Variants in RPS6KC1 observed in about 807,000 individuals in gnomAD.
The protein encoded by RPS6KC1 is inactive ribosomal protein S6 kinase delta-1.
Under a neutral mutation model 103.8 loss-of-function variants are expected in RPS6KC1, and 54 were observed. The ratio of observed to expected loss-of-function variants is 0.52; its 90% confidence interval spans 0.42 to 0.65. The LOEUF (loss-of-function observed/expected upper bound fraction) is 0.65. RPS6KC1 is among the 30% of genes least tolerant of loss of function. RPS6KC1 has a pLI of 0.00. For missense variants in RPS6KC1, 1,151 were observed against 1,253.8 expected (o/e 0.92, Z 1.24); for synonymous variants, 439 against 438.7 (o/e 1.00, Z -0.01).
chr1:213,848,207 A>G, the RPS6KC1 span, among the ~76,000 whole-genome samples: 1 of 152,160 alleles, frequency 6.6e-6, no homozygotes, highest in Non-Finnish European at 1.5e-5. Flanking sequence ...GGTTTTGAGA[A>G]ACATATATAT....
chr1:213,723,159 A>G, the RPS6KC1 span, among the ~76,000 whole-genome samples: 1,215 of 152,294 alleles, frequency 8.0e-3, 17 homozygotes, highest in African/African-American at 0.028. Context: ...CAGCCTGGGC[A>G]ACAAGAGTGG....
the RPS6KC1 span, among the ~76,000 whole-genome samples, chr1:213,690,971 A>G: frequency 1.5e-3 from 221 of 152,060 alleles, no homozygotes; most frequent in Non-Finnish European, 2.5e-3. Flanking sequence ...TTTTCCCTCC[A>G]TCTCTTGGAG....
the RPS6KC1 span, among the ~76,000 whole-genome samples, chr1:213,357,011 C>G: frequency 6.6e-6 from 1 of 152,202 alleles, no homozygotes; most frequent in African/African-American, 2.4e-5. Flanking sequence ...GGCACCAGCA[C>G]AGGGAGGGGC....
the RPS6KC1 span, among the ~76,000 whole-genome samples, chr1:213,343,954 G>C: frequency 6.6e-6 from 1 of 152,012 alleles, no homozygotes; most frequent in African/African-American, 2.4e-5. Context: ...GAATAATTTT[G>C]ACCCAAGGTT....
the RPS6KC1 span, among the ~76,000 whole-genome samples, chr1:213,393,907 G>A: frequency 1.1e-4 from 17 of 152,190 alleles, no homozygotes; most frequent in Admixed American, 3.3e-4. Context: ...ATGGGGAGGA[G>A]TAAGGAGAGA....
At chr1:213,622,233 G>A in the RPS6KC1 span, among the ~76,000 whole-genome samples, 1 of 37,786 alleles carries the variant, frequency 2.6e-5, no homozygotes, top group South Asian at 1.5e-3. Context: ...GACAAGTAAT[G>A]TCTTTTTTTT....
chr1:213,578,642 C>A, the RPS6KC1 span, among the ~76,000 whole-genome samples: 9 of 150,704 alleles, frequency 6.0e-5, no homozygotes, highest in East Asian at 1.7e-3. Context: ...AATGACTGCC[C>A]CACTGGATTT....
At chr1:213,742,022 G>A in the RPS6KC1 span, among the ~76,000 whole-genome samples, 1 of 152,178 alleles carries the variant, frequency 6.6e-6, no homozygotes, top group African/African-American at 2.4e-5. Context: ...GGAGGAACCA[G>A]TGCAAATTGG....
chr1:213,414,560 CACGGGGCATA>C, the RPS6KC1 span, among the ~76,000 whole-genome samples: 1 of 152,134 alleles, frequency 6.6e-6, no homozygotes, highest in African/African-American at 2.4e-5. Flanking sequence ...AGGAGAGAGG[CACGGGGCATA>C]TTGTCCCACA....
At chr1:213,714,435 C>A in the RPS6KC1 span, among the ~76,000 whole-genome samples, 2 of 152,182 alleles carry the variant, frequency 1.3e-5, no homozygotes, top group African/African-American at 4.8e-5. Context: ...TTCTCAATGT[C>A]TATTTATCCT....
chr1:213,585,289 T>C, the RPS6KC1 span, among the ~76,000 whole-genome samples: 4 of 152,164 alleles, frequency 2.6e-5, no homozygotes, highest in Non-Finnish European at 5.9e-5. Context: ...TGAATCCTCA[T>C]CACACAGACT....
intron 5 of RPS6KC1, among the ~76,000 whole-genome samples, chr1:213,128,130 C>T (rs926139762): frequency 1.3e-5 from 2 of 152,146 alleles, no homozygotes; most frequent in African/African-American, 4.8e-5. Flanking sequence ...TGTGACATTT[C>T]CTTCATATCT....
chr1:213,579,113 G>C, the RPS6KC1 span, among the ~76,000 whole-genome samples: 1 of 151,962 alleles, frequency 6.6e-6, no homozygotes, highest in Non-Finnish European at 1.5e-5. Context: ...ATGATCTGAT[G>C]GTTTTATAAA....
At chr1:213,056,354 A>G (rs1448742604) in intron 1 of RPS6KC1, among the ~76,000 whole-genome samples, 1 of 152,182 alleles carries the variant, frequency 6.6e-6, no homozygotes, top group East Asian at 1.9e-4. Context: ...GAACCCAGGT[A>G]GACTGGTCCC....
chr1:213,628,966 G>T, the RPS6KC1 span, among the ~76,000 whole-genome samples: 1 of 152,150 alleles, frequency 6.6e-6, no homozygotes, highest in African/African-American at 2.4e-5. Context: ...TGTGATTTCT[G>T]TTCCTTTACA....
At chr1:213,525,816 G>A in the RPS6KC1 span, among the ~76,000 whole-genome samples, 1 of 152,210 alleles carries the variant, frequency 6.6e-6, no homozygotes, top group African/African-American at 2.4e-5. Context: ...ATGCATGGGG[G>A]CATTGGTTTC....
At chr1:213,405,525 G>A in the RPS6KC1 span, among the ~76,000 whole-genome samples, 1 of 152,178 alleles carries the variant, frequency 6.6e-6, no homozygotes, top group African/African-American at 2.4e-5. Flanking sequence ...GGTGTGGTGG[G>A]AGCTTCCATA....
At chr1:213,769,220 G>C in the RPS6KC1 span, among the ~76,000 whole-genome samples, 2 of 152,136 alleles carry the variant, frequency 1.3e-5, no homozygotes, top group Non-Finnish European at 2.9e-5. Flanking sequence ...ATGGAGAAAT[G>C]GGGGACAGGA....
the RPS6KC1 span, among the ~76,000 whole-genome samples, chr1:213,556,454 G>A: frequency 6.6e-6 from 1 of 152,244 alleles, no homozygotes; most frequent in South Asian, 2.1e-4. Context: ...AGTTTGAGAA[G>A]TTAAAGAACA....
Sources: allele counts gnomAD v4.1 joint callset (sites outside exome capture counted in the v4.1 genomes callset), GRCh38; gene constraint gnomAD v4.1.1; transcripts MANE v1.5; gene names NCBI Gene and HGNC (gene_info 2026-07-23, HGNC 2026-07-21).